KCNN3: variants seen among roughly 807,000 people sequenced by gnomAD.
KCNN3 encodes potassium calcium-activated channel subfamily N member 3, also known as small conductance calcium-activated potassium channel protein 3.
KCNN3 carries 16 observed loss-of-function variants against 62.9 expected under a neutral mutation model. The ratio of observed to expected loss-of-function variants is 0.25; its 90% CI spans 0.17 to 0.39. The LOEUF (loss-of-function observed/expected upper bound fraction) is 0.39, where lower values mean the gene tolerates loss of function less well. KCNN3 is among the 10% of genes least tolerant of loss of function. The probability of loss-of-function intolerance (pLI) is 1.00; values close to 1 mark genes in which losing one functional copy is unlikely to be tolerated. For missense variants in KCNN3, 599 were observed against 949.4 expected, an observed-to-expected ratio of 0.63 and a Z score of 4.85; for synonymous variants, 370 against 389.2, an observed-to-expected ratio of 0.95 and a Z score of 0.58.
At chr1:154,859,034 C>T (rs1174168287) in intron 1 of KCNN3, among the ~76,000 whole-genome samples, 1 of 152,158 alleles carries the variant, frequency 6.6e-6, no homozygotes, top group East Asian at 1.9e-4. Flanking sequence ...AGGAGGCCTC[C>T]CCTGCATCCT....
chr1:154,869,540 C>A lies in KCNN3; in HGVS notation c.425G>T (p.Ser142Ile), dbSNP rs1274261491. ...LNDHLLGHSP[S>I]STATSGPGGG... is the part of the protein sequence containing the mutation. ...GCCAGGCCCACTTGTAGCTGTGGAACTTGGAGAGTGGCCAAGCAAGTGGTC... is the reference window on the plus strand; with the variant it reads ...GCCAGGCCCACTTGTAGCTGTGGAAATTGGAGAGTGGCCAAGCAAGTGGTC... The change falls in exon 1 of 8, where the codon AGT becomes ATT. Residue 142 changes from serine to isoleucine, a missense_variant. Transcript: ENST00000271915. This position sits in a 1 kb window ranked among gnomAD's most constrained non-coding sequence, Gnocchi z 6.1. The A allele has an allele frequency of 1.2e-6, 2 of 1,614,090 alleles. No homozygotes were observed. The highest frequency in any genetic ancestry group is 3.3e-5 in the Admixed American group (2 of 60,016).
intron 2 of KCNN3, among the ~76,000 whole-genome samples, chr1:154,788,839 C>T (rs1649394556): frequency 6.6e-6 from 1 of 152,190 alleles, no homozygotes; most frequent in Non-Finnish European, 1.5e-5. Flanking sequence ...CTCCTCATAG[C>T]AGCCCTTTTG....
At chr1:154,854,576 A>G (rs539026405) in intron 1 of KCNN3, among the ~76,000 whole-genome samples, 1 of 152,314 alleles carries the variant, frequency 6.6e-6, no homozygotes, top group Non-Finnish European at 1.5e-5. Flanking sequence ...TATCTATTAA[A>G]ATGTAAATTC....
intron 7 of KCNN3, among the ~76,000 whole-genome samples, chr1:154,709,033 TC>T (rs912516237): frequency 3.9e-4 from 59 of 152,114 alleles, no homozygotes; most frequent in African/African-American, 1.4e-3. Flanking sequence ...CAATCCTGCT[TC>T]CCTCACTCCT....
Position 154,701,464 on chromosome 1 carries a change from C to T in KCNN3, c.*6512G>A, listed in dbSNP as rs1699851134. ...TTTCATCTAGAAGTAGTGCCTTAGC[C>T]ATATGAAGGAGGGAACTGAGAACTT... On this transcript the variant is annotated 3_prime_UTR_variant, in exon 8 of 8. Transcript: ENST00000271915. The T allele has an allele frequency of 6.6e-6, 1 of 152,144 alleles. No homozygotes were observed. The highest frequency in any genetic ancestry group is 6.6e-5 in the Admixed American group (1 of 15,264). The allele number at this position is 152,144 out of a possible 1,614,324, so 9.4% of individuals were successfully genotyped here. A position where few individuals can be genotyped will look rare whatever the true frequency, so the allele number is the denominator to read the frequency against.
intron 6 of KCNN3, among the ~76,000 whole-genome samples, chr1:154,714,423 A>T (rs867226488): frequency 5.1e-5 from 1 of 19,454 alleles, no homozygotes; most frequent in Admixed American, 6.0e-4. Context: ...GGTGTGTGGG[A>T]TGTGTGGTGT....
At chr1:154,778,016 G>A (rs1241196500) in intron 2 of KCNN3, among the ~76,000 whole-genome samples, 1 of 152,188 alleles carries the variant, frequency 6.6e-6, no homozygotes. Context: ...CTCATTGAGG[G>A]TATGACTGAC....
At position 154,831,113 on chromosome 1, in the gene KCNN3, G is replaced by A. The variant is rs574529764; in HGVS notation, c.934-8929C>T. Among the ~76,000 whole-genome samples, 22 of 152,340 alleles carry A rather than the reference G, an allele frequency of 1.4e-4. 2 individuals carry two copies. The South Asian group carries it at 4.6e-3, about 32-fold the overall frequency. ...GCCATGTGCCAGGCACTGTGCGGGAGGTGGAAACATACAGGATGAGGCCTT... is the reference window on the plus strand; with the variant it reads ...GCCATGTGCCAGGCACTGTGCGGGAAGTGGAAACATACAGGATGAGGCCTT... On this transcript the variant is annotated intron_variant, in intron 1 of 7. Coordinates refer to ENST00000271915, the MANE Select transcript of KCNN3 (RefSeq NM_002249.6).
chr1:154,772,172 C>G lies in KCNN3; in HGVS notation c.1251G>C (p.Leu417=), dbSNP rs1648588140. 1.2e-6 allele frequency: 2 copies of G among 1,614,106 alleles called. No individual in the cohort carries two copies. The highest frequency in any genetic ancestry group is 1.1e-5 in the South Asian group (1 of 91,092). Residue 417 remains leucine (L), a synonymous_variant, in exon 3 of 8, where the codon CTG becomes CTC. Coordinates refer to ENST00000271915, the MANE Select transcript of KCNN3 (RefSeq NM_002249.6). The surrounding 1 kb of genome is among the most constrained non-coding windows in gnomAD (Gnocchi z 5.6). ...LSIPMFLRLY[L]IARVMLLHSK... is the part of the protein sequence containing the mutation. Reference sequence around the variant, plus strand: ...TGTGCAGCAGCATGACTCGGGCGATCAGGTACAGGCGCAGGAACATGGGGA... The same window carrying G: ...TGTGCAGCAGCATGACTCGGGCGATGAGGTACAGGCGCAGGAACATGGGGA...
chr1:154,801,382 A>G (rs937736586), intron 2 of KCNN3, among the ~76,000 whole-genome samples: 1 of 152,078 alleles, frequency 6.6e-6, no homozygotes, highest in Non-Finnish European at 1.5e-5. Context: ...AGCTTCTGTA[A>G]AACCCATTCA....
chr1:154,726,726 T>C (rs933346125), intron 4 of KCNN3, among the ~76,000 whole-genome samples: 2 of 152,300 alleles, frequency 1.3e-5, no homozygotes, highest in African/African-American at 4.8e-5. Context: ...TTCACCGTCA[T>C]GCAGAGATTT....
intron 3 of KCNN3, among the ~76,000 whole-genome samples, chr1:154,766,523 C>A (rs1413657271): frequency 6.9e-6 from 1 of 145,548 alleles, no homozygotes; most frequent in African/African-American, 2.5e-5. Flanking sequence ...TAACTCAAAC[C>A]AAAGCAGTCC....
chr1:154,810,301 G>A (rs1164387265), intron 2 of KCNN3, among the ~76,000 whole-genome samples: 1 of 152,196 alleles, frequency 6.6e-6, no homozygotes, highest in Non-Finnish European at 1.5e-5. Flanking sequence ...CTTGGGGTTA[G>A]AGGCAGGTCT....
intron 3 of KCNN3, among the ~76,000 whole-genome samples, chr1:154,760,685 C>T (rs963641722): frequency 6.6e-6 from 1 of 152,234 alleles, no homozygotes; most frequent in Non-Finnish European, 1.5e-5. Flanking sequence ...GACTCGCGGC[C>T]TCTCCCCACC....
At chr1:154,759,984 C>G (rs1647924206) in intron 3 of KCNN3, among the ~76,000 whole-genome samples, 1 of 151,956 alleles carries the variant, frequency 6.6e-6, no homozygotes, top group African/African-American at 2.4e-5. Context: ...CTCTCTCTCT[C>G]CCACTTTCTT....
intron 3 of KCNN3, among the ~76,000 whole-genome samples, chr1:154,771,227 T>C (rs1648547699): frequency 6.6e-6 from 1 of 152,126 alleles, no homozygotes; most frequent in Admixed American, 6.5e-5. Context: ...TCCAAGGAGT[T>C]GGCATTTTGT....
At chr1:154,857,800 T>C (rs1421281834) in intron 1 of KCNN3, among the ~76,000 whole-genome samples, 1 of 152,198 alleles carries the variant, frequency 6.6e-6, no homozygotes, top group Non-Finnish European at 1.5e-5. Flanking sequence ...AGATGAGGTG[T>C]GTAAACACAC....
rs557951720 is a variant in KCNN3 at position 154,782,376 on chromosome 1, G to A, written c.1030-9983C>T. ...GTATTTTTTCACAGTTCTGGAGGCT[G>A]GAAGTCTGAGATCAGGGTGCCAACA... On this transcript the variant is annotated intron_variant, in intron 2 of 7. Transcript: ENST00000271915. Among the ~76,000 whole-genome samples, 6 of 152,362 alleles carry A rather than the reference G, an allele frequency of 3.9e-5. No homozygotes were observed. The East Asian group carries it at 1.2e-3, about 29-fold the overall frequency.
At chr1:154,785,968 C>T (rs971195646) in intron 2 of KCNN3, among the ~76,000 whole-genome samples, 5 of 152,116 alleles carry the variant, frequency 3.3e-5, no homozygotes, top group Admixed American at 3.3e-4. Context: ...AGTGAACATC[C>T]CCCAGACCTC....
Sources: allele counts gnomAD v4.1 joint callset (sites outside exome capture counted in the v4.1 genomes callset), GRCh38; gene constraint gnomAD v4.1.1; non-coding constraint Gnocchi (gnomAD v3.1); transcripts MANE v1.5; gene names NCBI Gene and HGNC (gene_info 2026-07-23, HGNC 2026-07-21).